The following DPYSL5 variants were observed in gnomAD, a reference collection of about 807,000 sequenced individuals.
DPYSL5 encodes dihydropyrimidinase like 5, also known as dihydropyrimidinase-related protein 5.
Under a neutral mutation model 58.4 loss-of-function variants are expected in DPYSL5, and 9 were observed. The ratio of observed to expected loss-of-function variants is 0.15; its 90% confidence interval spans 0.09 to 0.27. The LOEUF is 0.27. DPYSL5 is among the 10% of genes least tolerant of loss of function. The probability of loss-of-function intolerance (pLI) is 1.00; values close to 1 mark genes in which losing one functional copy is unlikely to be tolerated. For synonymous variants in DPYSL5, 293 were observed against 301.9 expected (o/e 0.97, Z 0.31); for missense variants, 499 against 770.6 (o/e 0.65, Z 4.17).
Position 26,898,360 on chromosome 2 carries a change from G to A in DPYSL5, c.-4-136G>A, listed in dbSNP as rs983052923. On this transcript the variant is annotated intron_variant, in intron 1 of 12. Transcript: ENST00000288699. The surrounding 1 kb of genome is among the most constrained non-coding windows in gnomAD (Gnocchi z 6.1). Reference sequence around the variant, plus strand: ...AGCCAGTGGGAGGCTTGTGACTCCCGCTGGCTGTAGGGGAAAGTTCCTCCT... The same window carrying A: ...AGCCAGTGGGAGGCTTGTGACTCCCACTGGCTGTAGGGGAAAGTTCCTCCT... The A allele has an allele frequency of 1.7e-5, 21 of 1,240,674 alleles. No homozygotes were observed. The highest frequency in any genetic ancestry group is 3.0e-5 in the African/African-American group (2 of 66,164). 76.9% of individuals were successfully genotyped at this position (1,240,674 alleles called of 1,614,324 possible). A position where few individuals can be genotyped will look rare whatever the true frequency, so the allele number is the denominator to read the frequency against.
chr2:26,914,674 G>T (rs1449658814), intron 2 of DPYSL5, among the ~76,000 whole-genome samples: 2 of 152,188 alleles, frequency 1.3e-5, no homozygotes, highest in African/African-American at 4.8e-5. Context: ...AGTGGCTGCT[G>T]GCAGTGTGGG....
At chr2:26,872,424 G>A (rs1558325444) in intron 1 of DPYSL5, among the ~76,000 whole-genome samples, 1 of 152,206 alleles carries the variant, frequency 6.6e-6, no homozygotes, top group African/African-American at 2.4e-5. Context: ...AGGCGCGGTG[G>A]CTCACGCCTC....
chr2:26,943,140 G>C (rs892386207), intron 11 of DPYSL5, among the ~76,000 whole-genome samples: 4 of 152,080 alleles, frequency 2.6e-5, no homozygotes, highest in Admixed American at 6.5e-5. Flanking sequence ...AAGCAAGCGG[G>C]GGGTAGAGCT....
At chr2:26,884,182 G>A (rs1288430679) in intron 1 of DPYSL5, among the ~76,000 whole-genome samples, 4 of 152,216 alleles carry the variant, frequency 2.6e-5, no homozygotes, top group African/African-American at 4.8e-5. Flanking sequence ...AGGTGCTGGT[G>A]GTGGTGTGGT....
In DPYSL5 at chr2:26,947,054, A is replaced by C; in HGVS notation, c.*59A>C. The C allele has an allele frequency of 2.8e-6, 4 of 1,443,048 alleles. No individual in the cohort carries two copies. The highest frequency in any genetic ancestry group is 3.8e-6 in the Non-Finnish European group (4 of 1,039,372). The allele number at this position is 1,443,048 out of a possible 1,614,324, so 89.4% of individuals were successfully genotyped here. On this transcript the variant is annotated 3_prime_UTR_variant, in exon 13 of 13. Coordinates refer to ENST00000288699, the MANE Select transcript of DPYSL5 (RefSeq NM_020134.4). The surrounding 1 kb of genome is among the most constrained non-coding windows in gnomAD (Gnocchi z 4.2). ...CGCCGCCACCAGCCCGCAACTCTCC[A>C]GCCGAAGCTGCAGGGGCAGGAGAGG...
At chr2:26,851,438 A>G (rs555008033) in intron 1 of DPYSL5, among the ~76,000 whole-genome samples, 1 of 105,174 alleles carries the variant, frequency 9.5e-6, no homozygotes, top group South Asian at 2.6e-4. Flanking sequence ...AGAGTTCCAC[A>G]GCAAGGCAAG....
rs1039395983 is a variant in DPYSL5 at position 26,946,913 on chromosome 2, C to G, written c.1613C>G (p.Ser538Cys). 1 of 1,613,914 alleles carries G rather than the reference C, an allele frequency of 6.2e-7. No individual in the cohort carries two copies. Among genetic ancestry groups the G allele is most frequent in the Non-Finnish European group, 8.5e-7 (1 of 1,179,868 alleles). Residue 538 changes from serine to cysteine, a missense_variant, in exon 13 of 13, where the codon TCT becomes TGT. This residue lies in a region of DPYSL5 where 33 missense variants were observed against 63.8 expected (regional missense o/e 0.52). Transcript: ENST00000288699. ...LHESSFSLSG[S>C]QIDDHVPKRA... ...CTCTGTGCTTCCTTCCCTGCAGGCT[C>G]TCAGATCGATGACCATGTTCCAAAG...
chr2:26,913,341 A>G (rs1216286234), intron 2 of DPYSL5, among the ~76,000 whole-genome samples: 1 of 152,174 alleles, frequency 6.6e-6, no homozygotes, highest in Non-Finnish European at 1.5e-5. Flanking sequence ...CAGGTCCCTC[A>G]TATCAATGGA....
In DPYSL5 at chr2:26,927,182, G is replaced by C; in HGVS notation, c.421-71G>C. The C allele has an allele frequency of 6.7e-7, 1 of 1,493,276 alleles. No homozygotes were observed. Among genetic ancestry groups the C allele is most frequent in the Non-Finnish European group, 9.1e-7 (1 of 1,103,528 alleles). 92.5% of individuals were successfully genotyped at this position (1,493,276 alleles called of 1,614,324 possible). A position where few individuals can be genotyped will look rare whatever the true frequency, so the allele number is the denominator to read the frequency against. ...CAGGCCCCACATCTCCCCCATGCTG[G>C]GCCGGTGCCTGCCAGTCGGCCTCTT... On this transcript the variant is annotated intron_variant, in intron 3 of 12. Coordinates refer to ENST00000288699, the MANE Select transcript of DPYSL5 (RefSeq NM_020134.4). The surrounding 1 kb of genome is among the most constrained non-coding windows in gnomAD (Gnocchi z 4.3).
intron 2 of DPYSL5, among the ~76,000 whole-genome samples, chr2:26,918,777 C>G (rs1006021538): frequency 6.6e-6 from 1 of 152,196 alleles, no homozygotes; most frequent in African/African-American, 2.4e-5. Flanking sequence ...CCAGTCACCT[C>G]CTCAAACATA....
At chr2:26,920,867 A>G (rs1664684958) in intron 2 of DPYSL5, among the ~76,000 whole-genome samples, 1 of 152,214 alleles carries the variant, frequency 6.6e-6, no homozygotes. Context: ...ATTTTGAATC[A>G]AGTCTTTTTC....
rs553146705 is a variant in DPYSL5 at position 26,884,515 on chromosome 2, C to G, written c.-4-13981C>G. On this transcript the variant is annotated intron_variant, in intron 1 of 12. Coordinates refer to ENST00000288699, the MANE Select transcript of DPYSL5 (RefSeq NM_020134.4). ...ACATCAACGCACAGCTAAGCTTGTC[C>G]TATCTCACACACACACACACACACA... is the stretch of plus-strand genomic sequence containing the variant. 6.9e-5 allele frequency among the ~76,000 whole-genome samples: 8 copies of G among 115,362 alleles called. No homozygotes were observed. The South Asian group carries it at 2.0e-3, about 29-fold the overall frequency. 75.7% of individuals were successfully genotyped at this position (115,362 alleles called of 152,430 possible).
chr2:26,848,973 C>T lies in DPYSL5; in HGVS notation c.-5+719C>T, dbSNP rs1281282225. ...TCAGCGGGCACCGACGTCGACGCCCCGGGCCTGGGGACGGGGCTGTAGTCT... is the reference window on the plus strand; with the variant it reads ...TCAGCGGGCACCGACGTCGACGCCCTGGGCCTGGGGACGGGGCTGTAGTCT... On this transcript the variant is annotated intron_variant, in intron 1 of 12. Coordinates refer to ENST00000288699, the MANE Select transcript of DPYSL5 (RefSeq NM_020134.4). Among the ~76,000 whole-genome samples, 6 of 152,170 alleles carry T rather than the reference C, an allele frequency of 3.9e-5. No individual in the cohort carries two copies. In the East Asian group the frequency reaches 7.7e-4, roughly 20 times the overall value.
At chr2:26,851,924 G>T (rs1665767243) in intron 1 of DPYSL5, among the ~76,000 whole-genome samples, 1 of 152,024 alleles carries the variant, frequency 6.6e-6, no homozygotes, top group African/African-American at 2.4e-5. Context: ...TCCAGCCTGG[G>T]CAACAGAGTG....
intron 1 of DPYSL5, among the ~76,000 whole-genome samples, chr2:26,864,823 G>C (rs1394712301): frequency 6.6e-6 from 1 of 152,132 alleles, no homozygotes; most frequent in Non-Finnish European, 1.5e-5. Context: ...GGTGGCCGGG[G>C]TCAACTAAGC....
intron 2 of DPYSL5, among the ~76,000 whole-genome samples, chr2:26,913,226 G>A (rs904345320): frequency 6.6e-6 from 1 of 152,102 alleles, no homozygotes; most frequent in Non-Finnish European, 1.5e-5. Context: ...CTATTGATGA[G>A]GGTGAATGAA....
intron 9 of DPYSL5, among the ~76,000 whole-genome samples, chr2:26,941,702 C>T (rs770178807): frequency 6.6e-6 from 1 of 152,220 alleles, no homozygotes. Flanking sequence ...TGCCCCCGGG[C>T]AGGAAGCCTG....
chr2:26,878,817 A>G (rs1224019908), intron 1 of DPYSL5, among the ~76,000 whole-genome samples: 1 of 152,194 alleles, frequency 6.6e-6, no homozygotes, highest in Non-Finnish European at 1.5e-5. Flanking sequence ...GCACCAAGCT[A>G]GCTTGCGCCA....
At chr2:26,916,563 C>G (rs1412569251) in intron 2 of DPYSL5, among the ~76,000 whole-genome samples, 1 of 152,202 alleles carries the variant, frequency 6.6e-6, no homozygotes, top group Non-Finnish European at 1.5e-5. Context: ...ACAGTTTGGT[C>G]CTAATCAGAC....
Sources: allele counts gnomAD v4.1 joint callset (sites outside exome capture counted in the v4.1 genomes callset), GRCh38; gene constraint gnomAD v4.1.1; regional missense constraint gnomAD v4.1.1; non-coding constraint Gnocchi (gnomAD v3.1); transcripts MANE v1.5; gene names NCBI Gene and HGNC (gene_info 2026-07-23, HGNC 2026-07-21).